Variants in UXS1 observed in about 807,000 individuals in gnomAD.
UXS1 encodes the protein UDP-glucuronate decarboxylase 1.
A neutral mutation model predicts 62.6 loss-of-function variants in UXS1; 33 were observed. That is an observed-to-expected ratio of 0.53 (90% CI 0.40 to 0.70). UXS1 has a LOEUF of 0.70. Ranked by LOEUF, UXS1 falls within the 30% of genes least tolerant of loss-of-function variation. UXS1 has a pLI of 0.00. For synonymous variants in UXS1, 213 were observed against 206.8 expected, an observed-to-expected ratio of 1.03 and a Z score of -0.26; for missense variants, 434 against 556.3, an observed-to-expected ratio of 0.78 and a Z score of 2.21.
Position 106,143,236 on chromosome 2 carries a change from G to A in UXS1, c.472+1954C>T, listed in dbSNP as rs193022932. Among the ~76,000 whole-genome samples the A allele has an allele frequency of 3.6e-3, 540 of 150,976 alleles. 1 individual carries two copies. Among genetic ancestry groups the A allele is most frequent in the Non-Finnish European group, 4.8e-3 (323 of 67,670 alleles). On this transcript the variant is annotated intron_variant, in intron 6 of 14. Coordinates refer to ENST00000283148, the MANE Select transcript of UXS1 (RefSeq NM_001253875.2). The stretch of plus-strand genomic sequence containing the variant: ...ATCCTGGCTAACAGGGTGAAACCCC[G>A]TCTCTACTAAAAAATACAAAAAATC...
At chr2:106,100,292 G>A (rs1325348481) in intron 12 of UXS1, among the ~76,000 whole-genome samples, 1 of 152,140 alleles carries the variant, frequency 6.6e-6, no homozygotes, top group African/African-American at 2.4e-5. Flanking sequence ...AGGGTAAGAG[G>A]TCCTACCATG....
intron 5 of UXS1, among the ~76,000 whole-genome samples, chr2:106,147,784 G>T (rs1186599424): frequency 6.6e-6 from 1 of 152,124 alleles, no homozygotes; most frequent in African/African-American, 2.4e-5. Flanking sequence ...AGGCTTCTTG[G>T]TTTTGTGTTT....
intron 12 of UXS1, 86 bp downstream of exon 12, chr2:106,100,972 T>C: frequency 6.5e-7 from 1 of 1,535,824 alleles, no homozygotes; most frequent in Non-Finnish European, 9.0e-7. Flanking sequence ...CGATGGCAAA[T>C]GAAGCAAAGC....
intron 11 of UXS1, among the ~76,000 whole-genome samples, chr2:106,103,284 A>T (rs938383721): frequency 6.6e-6 from 1 of 152,224 alleles, no homozygotes; most frequent in African/African-American, 2.4e-5. Context: ...CAGAAAGAAG[A>T]ATGGGTCCTG....
chr2:106,137,086 C>G (rs1471459426), intron 6 of UXS1, among the ~76,000 whole-genome samples: 1 of 150,662 alleles, frequency 6.6e-6, no homozygotes, highest in Admixed American at 6.6e-5. Context: ...AACACAAAAT[C>G]TTTAAAATTA....
rs1395981710 is a variant in UXS1, at chr2:106,104,808, C to T, written c.909G>A (p.Ala303=). Residue 303 remains alanine, a synonymous_variant, in exon 11 of 15, where the codon GCG becomes GCA. Coordinates refer to ENST00000283148, the MANE Select transcript of UXS1 (RefSeq NM_001253875.2). The stretch of plus-strand genomic sequence containing the variant: ...GACAGTCTTACCTGACGTACTGGAA[C>T]GCCCTTGTCTGAGACCCGGATCCGT... ...TVYGSGSQTR[A]FQYVSDLVNG... 12 of 1,613,894 alleles carry T rather than the reference C, an allele frequency of 7.4e-6. No individual in the cohort carries two copies. Among genetic ancestry groups the T allele is most frequent in the Middle Eastern group, 1.6e-4 (1 of 6,084 alleles).
chr2:106,158,630 C>T (rs1207977283), intron 4 of UXS1, among the ~76,000 whole-genome samples: 2 of 152,144 alleles, frequency 1.3e-5, no homozygotes, highest in Non-Finnish European at 2.9e-5. Context: ...AAACTGACCC[C>T]CCTCCTTGTT....
At chr2:106,189,251 G>A (rs1361660952) in intron 1 of UXS1, among the ~76,000 whole-genome samples, 1 of 152,176 alleles carries the variant, frequency 6.6e-6, no homozygotes, top group East Asian at 1.9e-4. Context: ...AATACACCAA[G>A]GCCTAGCACT....
intron 12 of UXS1, among the ~76,000 whole-genome samples, chr2:106,099,774 T>C (rs902015248): frequency 6.6e-6 from 1 of 152,108 alleles, no homozygotes; most frequent in Non-Finnish European, 1.5e-5. Flanking sequence ...CACAGGCAAA[T>C]GCTGCAAGCA....
chr2:106,102,849 T>C (rs1677707682), intron 11 of UXS1: 1 of 152,240 alleles, frequency 6.6e-6, no homozygotes, highest in African/African-American at 2.4e-5. Context: ...CAGGAAACCC[T>C]TGCCCAAGTA....
chr2:106,136,989 A>AAAAAAAAAAAAAAAAAT (rs1680705221), intron 6 of UXS1, among the ~76,000 whole-genome samples: 1 of 149,318 alleles, frequency 6.7e-6, no homozygotes, highest in Non-Finnish European at 1.5e-5. Context: ...AAAAAAAAGA[A>AAAAAAAAAAAAAAAAAT]AGCCAAGTCT....
chr2:106,147,903 C>A (rs1205245624), intron 5 of UXS1, among the ~76,000 whole-genome samples: 1 of 152,184 alleles, frequency 6.6e-6, no homozygotes, highest in Non-Finnish European at 1.5e-5. Context: ...CCCTTAACCA[C>A]CACATAGATA....
rs1043144339 is a variant in UXS1, at chr2:106,130,859, T to C, written c.473-1081A>G. ...GACTCTAGACCTTCATTCATATATA[T>C]ATATTTTTTTTAACATTTGAAAGCC... On this transcript the variant is annotated intron_variant, in intron 6 of 14. Coordinates refer to ENST00000283148, the MANE Select transcript of UXS1 (RefSeq NM_001253875.2). Among the ~76,000 whole-genome samples, 3 of 152,064 alleles carry C rather than the reference T, an allele frequency of 2.0e-5. No individual in the cohort carries two copies. The South Asian group carries it at 6.2e-4, about 31-fold the overall frequency.
rs562278995 is a variant in UXS1, at chr2:106,194,274, G to T, written c.-33C>A. 9.1e-5 allele frequency: 113 copies of T among 1,235,456 alleles called. 1 individual carries two copies. In the South Asian group the frequency reaches 2.2e-3, roughly 24 times the overall value. The allele number at this position is 1,235,456 out of a possible 1,614,324, so 76.5% of individuals were successfully genotyped here. The stretch of plus-strand genomic sequence containing the variant: ...AGCCGCGCGGGTCCAGGGCCCTACC[G>T]CGCGGGGGCCCGCCTGCTGCACAAT... On this transcript the variant is annotated 5_prime_UTR_variant, in exon 1 of 15. Coordinates refer to ENST00000283148, the MANE Select transcript of UXS1 (RefSeq NM_001253875.2).
chr2:106,173,053 T>C (rs1434057163), intron 1 of UXS1, among the ~76,000 whole-genome samples: 3 of 152,224 alleles, frequency 2.0e-5, no homozygotes, highest in Non-Finnish European at 2.9e-5. Flanking sequence ...ACAGCACTTA[T>C]CACCAGCTAA....
At chr2:106,147,775 G>A (rs958350599) in intron 5 of UXS1, among the ~76,000 whole-genome samples, 8 of 152,032 alleles carry the variant, frequency 5.3e-5, no homozygotes, top group Admixed American at 1.3e-4. Context: ...ACTTACTCAA[G>A]GCTTCTTGGT....
At chr2:106,145,062 A>G in intron 6 of UXS1, 128 bp downstream of exon 6, 1 of 1,045,068 alleles carries the variant, frequency 9.6e-7, no homozygotes, top group African/African-American at 1.6e-5. Flanking sequence ...ATATTGAGAC[A>G]TTTCAAAAAT....
At chr2:106,168,568 G>A (rs756187810) in intron 1 of UXS1, among the ~76,000 whole-genome samples, 10 of 152,234 alleles carry the variant, frequency 6.6e-5, no homozygotes, top group East Asian at 1.9e-4. Flanking sequence ...GGTCCGGATC[G>A]GGACCCCTTT....
At chr2:106,106,620 T>C (rs768241394) in intron 10 of UXS1, among the ~76,000 whole-genome samples, 3 of 152,128 alleles carry the variant, frequency 2.0e-5, no homozygotes, top group East Asian at 1.9e-4. Context: ...TAAAGGAACA[T>C]TGAGGAAGGA....
Sources: gnomAD v4.1 joint callset for allele counts (sites outside exome capture counted in the v4.1 genomes callset) on GRCh38, gnomAD v4.1.1 for gene constraint, MANE v1.5 for transcripts, NCBI Gene and HGNC (gene_info 2026-07-23, HGNC 2026-07-21) for gene names.